The following KDF1 variants were observed in gnomAD, a reference collection of about 807,000 sequenced individuals.
KDF1 encodes the protein keratinocyte differentiation factor 1, also known as RP11-344H11.3.
Under a neutral mutation model 31.6 loss-of-function variants are expected in KDF1, and 11 were observed. The observed-to-expected ratio is 0.35, with a 90% confidence interval of 0.22 to 0.58. The LOEUF (loss-of-function observed/expected upper bound fraction) is 0.58, where lower values mean the gene tolerates loss of function less well. Among genes scored for constraint, KDF1 ranks in the 20% least tolerant of loss-of-function variants. The pLI is 0.83. For missense variants in KDF1, 476 were observed against 549.1 expected (o/e 0.87, Z 1.33); for synonymous variants, 205 against 214.4 (o/e 0.96, Z 0.38).
chr1:26,955,931 T>C (rs959592755), intron 1 of KDF1, among the ~76,000 whole-genome samples: 1 of 152,132 alleles, frequency 6.6e-6, no homozygotes, highest in African/African-American at 2.4e-5. Context: ...CTCCAGCCTA[T>C]GCAACAGAGT....
intron 1 of KDF1, among the ~76,000 whole-genome samples, chr1:26,954,985 G>T (rs2082370615): frequency 6.6e-6 from 1 of 151,364 alleles, no homozygotes; most frequent in African/African-American, 2.4e-5. Context: ...CAGCCTCGGA[G>T]TAGCTGGGAT....
At chr1:26,958,781 T>C (rs891411502) in intron 1 of KDF1, among the ~76,000 whole-genome samples, 10 of 152,178 alleles carry the variant, frequency 6.6e-5, no homozygotes, top group African/African-American at 2.2e-4. Flanking sequence ...AGAGCCCATG[T>C]TGGGAGCCCT....
intron 1 of KDF1, among the ~76,000 whole-genome samples, chr1:26,956,454 C>T (rs1466389931): frequency 6.6e-6 from 1 of 152,090 alleles, no homozygotes; most frequent in East Asian, 1.9e-4. Flanking sequence ...ATAATATCAC[C>T]ATAATGGGAT....
At chr1:26,957,469 C>T (rs1241048147) in intron 1 of KDF1, among the ~76,000 whole-genome samples, 2 of 152,102 alleles carry the variant, frequency 1.3e-5, no homozygotes, top group Non-Finnish European at 2.9e-5. Context: ...TCTTTTCTGC[C>T]TCAGGGTCTG....
intron 1 of KDF1, among the ~76,000 whole-genome samples, chr1:26,959,358 G>A (rs796313322): frequency 1.3e-4 from 19 of 146,160 alleles, no homozygotes; most frequent in South Asian, 2.4e-4. Flanking sequence ...CCACCACCCC[G>A]CCCAATCCTA....
rs1557686323 is a variant in KDF1, at chr1:26,951,983, C to T, written c.398G>A (p.Gly133Glu). 1.2e-6 allele frequency: 2 copies of T among 1,610,546 alleles called. No homozygotes were observed. The highest frequency in any genetic ancestry group is 1.7e-6 in the Non-Finnish European group (2 of 1,177,568). The change falls in exon 2 of 4, where the codon GGA (glycine) becomes GAA (glutamate). Residue 133 changes from glycine to glutamate, a missense_variant. By Grantham distance (98) the Gly-to-Glu change is moderately conservative. This residue lies in a region of KDF1 where 330 missense variants were observed against 332.3 expected (regional missense o/e 0.99). Transcript: ENST00000320567. This position sits in a 1 kb window ranked among gnomAD's most constrained non-coding sequence, Gnocchi z 5.4. ...AEANWAKEHNGVPPSPDRAPP... is the reference protein window; with the variant it reads ...AEANWAKEHNEVPPSPDRAPP... ...TGCACGATCAGGGCTGGGGGGCACT[C>T]CATTGTGCTCCTTGGCCCAGTTGGC... is the stretch of plus-strand genomic sequence containing the variant.
chr1:26,954,224 G>GTT (rs544512521), intron 1 of KDF1, among the ~76,000 whole-genome samples: 25 of 134,736 alleles, frequency 1.9e-4, no homozygotes, highest in South Asian at 2.4e-4. Context: ...GCTTAAATAT[G>GTT]TTTTTTTTTT....
chr1:26,952,797 A>G lies in KDF1; in HGVS notation c.-32-385T>C, dbSNP rs185533032. ...GGAGTTCGAGACCAACCTGACTAAC[A>G]TGGTGAAACTCCGTCTCTACTAAAA... is the stretch of plus-strand genomic sequence containing the variant. On this transcript the variant is annotated intron_variant, in intron 1 of 3. Coordinates refer to ENST00000320567, the MANE Select transcript of KDF1 (RefSeq NM_152365.3). The surrounding 1 kb of genome is among the most constrained non-coding windows in gnomAD (Gnocchi z 4.1). Among the ~76,000 whole-genome samples, 1 of 152,088 alleles carries G rather than the reference A, an allele frequency of 6.6e-6. No homozygotes were observed. Among genetic ancestry groups the G allele is most frequent in the Non-Finnish European group, 1.5e-5 (1 of 67,996 alleles).
chr1:26,959,090 G>A (rs138654717), intron 1 of KDF1, among the ~76,000 whole-genome samples: 72 of 152,332 alleles, frequency 4.7e-4, no homozygotes, highest in Middle Eastern at 3.4e-3. Flanking sequence ...GCTCAGAAAG[G>A]TGAAGTGACT....
Position 26,949,743 on chromosome 1 carries a change from G to A in KDF1, c.*326C>T, listed in dbSNP as rs1279342905. 1 of 280,308 alleles carries A rather than the reference G, an allele frequency of 3.6e-6. No homozygotes were observed. Among genetic ancestry groups the A allele is most frequent in the African/African-American group, 2.2e-5 (1 of 45,276 alleles). The allele number at this position is 280,308 out of a possible 1,614,324, so 17.4% of individuals were successfully genotyped here. On this transcript the variant is annotated 3_prime_UTR_variant, in exon 4 of 4. Coordinates refer to ENST00000320567, the MANE Select transcript of KDF1 (RefSeq NM_152365.3). The stretch of plus-strand genomic sequence containing the variant: ...AGGGAGAAGTTTGCATGATTGGTTA[G>A]GGTGGCAATAGGGGGATGGAGTCAG...
chr1:26,952,038 T>C lies in KDF1; in HGVS notation c.343A>G (p.Thr115Ala). ...GCAGTCCCCTCAGTGGAGTCCTCAG[T>C]AGACAGGCAGGGGCTGCATCCCCGC... ...CVRGCSPCLS[T>A]EDSTEGTAEA... Residue 115 changes from threonine (T) to alanine (A), a missense_variant, in exon 2 of 4, where the codon ACT becomes GCT. Physicochemically the swap from Thr to Ala is moderately conservative, Grantham distance 58 (BLOSUM62 0). This residue lies in a region of KDF1 where 330 missense variants were observed against 332.3 expected (regional missense o/e 0.99). Coordinates refer to ENST00000320567, the MANE Select transcript of KDF1 (RefSeq NM_152365.3). This position sits in a 1 kb window ranked among gnomAD's most constrained non-coding sequence, Gnocchi z 4.1. 6.2e-7 allele frequency: 1 copy of C among 1,613,420 alleles called. No homozygotes were observed. The highest frequency in any genetic ancestry group is 8.5e-7 in the Non-Finnish European group (1 of 1,179,900).
chr1:26,953,956 A>G (rs368152577), intron 1 of KDF1, among the ~76,000 whole-genome samples: 81 of 138,234 alleles, frequency 5.9e-4, no homozygotes, highest in African/African-American at 2.0e-3. Context: ...CCCTGTCTCA[A>G]AAAAAAAAAA....
Position 26,960,391 on chromosome 1 carries a change from C to A in KDF1, c.-74G>T. 6.6e-6 allele frequency: 1 copy of A among 152,352 alleles called. No homozygotes were observed. 9.4% of individuals were successfully genotyped at this position (152,352 alleles called of 1,614,324 possible). On this transcript the variant is annotated 5_prime_UTR_variant, in exon 1 of 4. Transcript: ENST00000320567. This position sits in a 1 kb window ranked among gnomAD's most constrained non-coding sequence, Gnocchi z 4.9. ...GCCGCCTCCGGCTCAGCCCCTCCCCCGCCCCCTCGCCGCTCACCTGGGGCG... is the reference window on the plus strand; with the variant it reads ...GCCGCCTCCGGCTCAGCCCCTCCCCAGCCCCCTCGCCGCTCACCTGGGGCG...
chr1:26,951,624 C>A lies in KDF1; in HGVS notation c.757G>T (p.Val253Leu). ...IFKKLTELFS[V>L]HQIDELAKCT... ...TTGGCCAGCTCATCGATCTGGTGTA[C>A]GCTGAACAGCTCTGTCAGCTTCTTG... The change falls in exon 2 of 4, where the codon GTA becomes TTA. Residue 253 changes from valine to leucine, a missense_variant. Physicochemically the swap from Val to Leu is conservative, Grantham distance 32 (BLOSUM62 1). Around this residue, in one of 2 missense-constraint regions of KDF1, gnomAD observed 146 missense variants for 216.8 expected, o/e 0.67. Coordinates refer to ENST00000320567, the MANE Select transcript of KDF1 (RefSeq NM_152365.3). This position sits in a 1 kb window ranked among gnomAD's most constrained non-coding sequence, Gnocchi z 5.4. 6.2e-7 allele frequency: 1 copy of A among 1,613,930 alleles called. No individual in the cohort carries two copies. The highest frequency in any genetic ancestry group is 8.5e-7 in the Non-Finnish European group (1 of 1,180,018).
chr1:26,952,032 C>T lies in KDF1; in HGVS notation c.349G>A (p.Asp117Asn), dbSNP rs2082353084. The T allele has an allele frequency of 6.2e-7, 1 of 1,613,494 alleles. No homozygotes were observed. Among genetic ancestry groups the T allele is most frequent in the Non-Finnish European group, 8.5e-7 (1 of 1,179,884 alleles). ...RGCSPCLSTEDSTEGTAEANW... is the reference protein window; with the variant it reads ...RGCSPCLSTENSTEGTAEANW... Reference sequence around the variant, plus strand: ...GCTTCAGCAGTCCCCTCAGTGGAGTCCTCAGTAGACAGGCAGGGGCTGCAT... The same window carrying T: ...GCTTCAGCAGTCCCCTCAGTGGAGTTCTCAGTAGACAGGCAGGGGCTGCAT... Residue 117 changes from aspartate to asparagine, a missense_variant, in exon 2 of 4, where the codon GAC (aspartate) becomes AAC (asparagine). Asp to Asn is a conservative substitution (Grantham distance 23). Coordinates refer to ENST00000320567, the MANE Select transcript of KDF1 (RefSeq NM_152365.3). This position sits in a 1 kb window ranked among gnomAD's most constrained non-coding sequence, Gnocchi z 4.1.
chr1:26,953,809 G>C (rs1235695322), intron 1 of KDF1, among the ~76,000 whole-genome samples: 1 of 152,072 alleles, frequency 6.6e-6, no homozygotes, highest in East Asian at 1.9e-4. Flanking sequence ...ACAAAAATTA[G>C]CTGGGCGTGG....
chr1:26,950,096 C>T lies in KDF1; in HGVS notation c.1170G>A (p.Gly390=). ...SFQGTDTDSS[G]APLLQVYC is the part of the protein sequence containing the mutation. ...AGCAGTACACCTGGAGCAAGGGTGC[C>T]CCCGACGAGTCTGTGTCGGTGCCCT... The change falls in exon 4 of 4, where the codon GGG becomes GGA. Residue 390 remains glycine, a synonymous_variant. Coordinates refer to ENST00000320567, the MANE Select transcript of KDF1 (RefSeq NM_152365.3). This position sits in a 1 kb window ranked among gnomAD's most constrained non-coding sequence, Gnocchi z 4.0. The T allele has an allele frequency of 6.2e-7, 1 of 1,613,890 alleles. No individual in the cohort carries two copies. Among genetic ancestry groups the T allele is most frequent in the Non-Finnish European group, 8.5e-7 (1 of 1,179,854 alleles).
chr1:26,950,592 C>T lies in KDF1; in HGVS notation c.1114+90G>A. The T allele has an allele frequency of 1.9e-6, 2 of 1,075,136 alleles. No individual in the cohort carries two copies. The highest frequency in any genetic ancestry group is 2.8e-6 in the Non-Finnish European group (2 of 704,260). 66.6% of individuals were successfully genotyped at this position (1,075,136 alleles called of 1,614,324 possible). ...CGTCCCTTTTTGATGTCATCCTCAT[C>T]ACCCCAAAAGAAAGCTGGGAGAGCA... On this transcript the variant is annotated intron_variant, in intron 3 of 3. Transcript: ENST00000320567. The surrounding 1 kb of genome is among the most constrained non-coding windows in gnomAD (Gnocchi z 4.0).
In KDF1 at chr1:26,952,586, C is replaced by T. The variant is rs912378464; in HGVS notation, c.-32-174G>A. ...GATGGACCCAAGTATGCCCAAAAAC[C>T]CTTATCTCTTGTGGCCCTCCCTCCA... On this transcript the variant is annotated intron_variant, in intron 1 of 3. Coordinates refer to ENST00000320567, the MANE Select transcript of KDF1 (RefSeq NM_152365.3). This position sits in a 1 kb window ranked among gnomAD's most constrained non-coding sequence, Gnocchi z 4.1. Among the ~76,000 whole-genome samples, 1 of 152,030 alleles carries T rather than the reference C, an allele frequency of 6.6e-6. No individual in the cohort carries two copies. Among genetic ancestry groups the T allele is most frequent in the East Asian group, 1.9e-4 (1 of 5,178 alleles).
Sources: allele counts gnomAD v4.1 joint callset (sites outside exome capture counted in the v4.1 genomes callset), GRCh38; gene constraint gnomAD v4.1.1; regional missense constraint gnomAD v4.1.1; non-coding constraint Gnocchi (gnomAD v3.1); transcripts MANE v1.5; gene names NCBI Gene and HGNC (gene_info 2026-07-23, HGNC 2026-07-21).